HSPG2: variants seen among roughly 807,000 people sequenced by gnomAD.
HSPG2 encodes the protein heparan sulfate proteoglycan 2.
HSPG2 carries 278 observed loss-of-function variants against 526.6 expected under a neutral mutation model. The ratio of observed to expected loss-of-function variants is 0.53; its 90% confidence interval spans 0.48 to 0.58. The LOEUF (loss-of-function observed/expected upper bound fraction) is 0.58, where lower values mean the gene tolerates loss of function less well. Among genes scored for constraint, HSPG2 ranks in the 20% least tolerant of loss-of-function variants. HSPG2 has a pLI of 0.00. For synonymous variants in HSPG2, 2,465 were observed against 2,555.4 expected, an observed-to-expected ratio of 0.96 and a Z score of 1.07; for missense variants, 5,354 against 6,099.5, an observed-to-expected ratio of 0.88 and a Z score of 4.07.
chr1:21,829,356 G>A (rs377766203), intron 87 of HSPG2, 27 bp downstream of exon 87: 17 of 1,603,312 alleles, frequency 1.1e-5, no homozygotes, highest in African/African-American at 4.0e-5. Flanking sequence ...GGTGTGCAGA[G>A]CCCCGCATTT....
In HSPG2 at chr1:21,851,833, T is replaced by C; in HGVS notation, c.6964A>G (p.Thr2322Ala). 1 of 1,613,542 alleles carries C rather than the reference T, an allele frequency of 6.2e-7. No individual in the cohort carries two copies. The highest frequency in any genetic ancestry group is 8.5e-7 in the Non-Finnish European group (1 of 1,179,910). The change falls in exon 54 of 97, where the codon ACG (threonine) becomes GCG (alanine). Residue 2322 changes from threonine (T) to alanine (A), a missense_variant. Thr to Ala is a moderately conservative substitution (Grantham distance 58). Coordinates refer to ENST00000374695, the MANE Select transcript of HSPG2 (RefSeq NM_005529.7). ...CCCTGGGTCCCAGTTACTGTGACCGTGATGGAGGCCTCCATGCCGTTGCTG... is the reference window on the plus strand; with the variant it reads ...CCCTGGGTCCCAGTTACTGTGACCGCGATGGAGGCCTCCATGCCGTTGCTG... ...RASNGMEASI[T>A]VTVTGTQGAN...
chr1:21,835,701 G>C, intron 75 of HSPG2, 64 bp from the exon 76 acceptor site: 1 of 1,301,002 alleles, frequency 7.7e-7, no homozygotes, highest in East Asian at 2.4e-5. Context: ...CTTTGCAATT[G>C]GGCTGGGCGT....
intron 1 of HSPG2, among the ~76,000 whole-genome samples, chr1:21,916,298 G>C (rs1039834991): frequency 9.9e-5 from 15 of 152,052 alleles, no homozygotes; most frequent in African/African-American, 3.1e-4. Flanking sequence ...TCAGGAGATC[G>C]AGACCATCCT....
At chr1:21,851,003 C>T (rs1194294922) in intron 55 of HSPG2, among the ~76,000 whole-genome samples, 4 of 147,594 alleles carry the variant, frequency 2.7e-5, no homozygotes, top group South Asian at 2.1e-4. Context: ...GACTGAGTCT[C>T]GCTCTGTTGC....
At position 21,876,614 on chromosome 1, in the gene HSPG2, G is replaced by A. The variant is rs749963252; in HGVS notation, c.2724C>T (p.Asp908=). 2.7e-5 allele frequency: 44 copies of A among 1,614,102 alleles called. No individual in the cohort carries two copies. Among genetic ancestry groups the A allele is most frequent in the South Asian group, 2.6e-4 (24 of 91,088 alleles). The change falls in exon 22 of 97, where the codon GAC becomes GAT. Residue 908 remains aspartate, a synonymous_variant. Coordinates refer to ENST00000374695, the MANE Select transcript of HSPG2 (RefSeq NM_005529.7). The stretch of plus-strand genomic sequence containing the variant: ...TTCGGGTACTCAGGTGGAAAGAGCC[G>A]TCAGCACATTCATTGCACAAGCGCC... ...VVGRLCNECA[D]GSFHLSTRNP...
intron 52 of HSPG2, among the ~76,000 whole-genome samples, 172 bp from the exon 53 acceptor site, chr1:21,852,405 AGGGCATG>A (rs1357259179): frequency 6.6e-6 from 1 of 152,256 alleles, no homozygotes; most frequent in Non-Finnish European, 1.5e-5. Context: ...TGGGAGGACC[AGGGCATG>A]GGCCACGCCT....
intron 81 of HSPG2, 100 bp from the exon 82 acceptor site, chr1:21,831,896 C>A: frequency 7.8e-7 from 1 of 1,282,420 alleles, no homozygotes; most frequent in South Asian, 1.5e-5. Flanking sequence ...GGAGGGATGT[C>A]ACCACTTCCT....
intron 1 of HSPG2, among the ~76,000 whole-genome samples, chr1:21,899,217 A>G (rs1284702456): frequency 1.3e-5 from 2 of 152,160 alleles, no homozygotes; most frequent in Non-Finnish European, 2.9e-5. Flanking sequence ...CAGAGACTTC[A>G]TTTGTAAAAA....
Position 21,872,153 on chromosome 1 carries a change from C to T in HSPG2, c.4221+33G>A, listed in dbSNP as rs992947830. 19 of 1,550,390 alleles carry T rather than the reference C, an allele frequency of 1.2e-5. No homozygotes were observed. The East Asian group carries it at 4.4e-4, about 36-fold the overall frequency. On this transcript the variant is annotated intron_variant, in intron 33 of 96. Transcript: ENST00000374695. The surrounding 1 kb of genome is among the most constrained non-coding windows in gnomAD (Gnocchi z 5.5). ...CGCAGAGGTGAACTCATGTCTGAGT[C>T]ACGGCTGACCCTGGTGCTTGGCTGG...
At chr1:21,918,779 C>T (rs1643949283) in intron 1 of HSPG2, among the ~76,000 whole-genome samples, 1 of 152,198 alleles carries the variant, frequency 6.6e-6, no homozygotes, top group Admixed American at 6.5e-5. Context: ...AAAGGGTCTA[C>T]AGAATTAGGG....
At chr1:21,926,120 C>G (rs1350940387) in intron 1 of HSPG2, among the ~76,000 whole-genome samples, 2 of 152,070 alleles carry the variant, frequency 1.3e-5, no homozygotes, top group Non-Finnish European at 2.9e-5. Context: ...GAGAATCTGG[C>G]CCCCAACTCC....
intron 28 of HSPG2, 46 bp downstream of exon 28, chr1:21,874,360 G>A (rs760946730): frequency 6.2e-7 from 1 of 1,608,978 alleles, no homozygotes; most frequent in South Asian, 1.1e-5. Flanking sequence ...GGAGCGGGTG[G>A]TAGACATTTC....
At chr1:21,845,611 C>T (rs77776723) in intron 64 of HSPG2, among the ~76,000 whole-genome samples, 20,383 of 152,116 alleles carry the variant, frequency 0.13, 1,653 homozygotes, top group South Asian at 0.28. Context: ...AACTCATGAG[C>T]TCAGGCAATC....
At chr1:21,843,224 G>A in intron 66 of HSPG2, 73 bp downstream of exon 66, 2 of 1,596,412 alleles carry the variant, frequency 1.3e-6, no homozygotes, top group African/African-American at 1.3e-5. Flanking sequence ...GGCTGGGAGA[G>A]AGGAGAGGAG....
intron 1 of HSPG2, among the ~76,000 whole-genome samples, chr1:21,929,986 G>A (rs969340476): frequency 3.9e-5 from 6 of 151,996 alleles, no homozygotes; most frequent in Non-Finnish European, 8.8e-5. Flanking sequence ...ATGGAACACC[G>A]GGCCCCTTCA....
At chr1:21,917,619 C>G (rs1210916580) in intron 1 of HSPG2, among the ~76,000 whole-genome samples, 3 of 152,176 alleles carry the variant, frequency 2.0e-5, no homozygotes, top group Non-Finnish European at 4.4e-5. Flanking sequence ...CCTGAGGCTC[C>G]TAAGAACTGG....
At chr1:21,929,758 T>A (rs994514159) in intron 1 of HSPG2, among the ~76,000 whole-genome samples, 6 of 152,140 alleles carry the variant, frequency 3.9e-5, no homozygotes, top group African/African-American at 7.2e-5. Flanking sequence ...AGCCAAAGAC[T>A]GTGGAGGCAT....
Position 21,842,805 on chromosome 1 carries a change from A to C in HSPG2, c.8875T>G (p.Tyr2959Asp), listed in dbSNP as rs1462626336. Residue 2959 changes from tyrosine (Y) to aspartate (D), a missense_variant, in exon 67 of 97, where the codon TAC becomes GAC. By Grantham distance (160) the Tyr-to-Asp change is radical. Transcript: ENST00000374695. ...PGQAHAQVTWYKRGGSLPARH... is the reference protein window; with the variant it reads ...PGQAHAQVTWDKRGGSLPARH... ...GCGGGGAGGCTGCCCCCGCGCTTGTACCACGTGACCTGGGCATGGGCCTGC... is the reference window on the plus strand; with the variant it reads ...GCGGGGAGGCTGCCCCCGCGCTTGTCCCACGTGACCTGGGCATGGGCCTGC... 6.2e-7 allele frequency: 1 copy of C among 1,613,726 alleles called. No homozygotes were observed. Among genetic ancestry groups the C allele is most frequent in the Middle Eastern group, 1.7e-4 (1 of 5,924 alleles).
At position 21,893,286 on chromosome 1, in the gene HSPG2, C is replaced by T. The variant is rs1490489152; in HGVS notation, c.245-2592G>A. On this transcript the variant is annotated intron_variant, in intron 3 of 96. Coordinates refer to ENST00000374695, the MANE Select transcript of HSPG2 (RefSeq NM_005529.7). This position sits in a 1 kb window ranked among gnomAD's most constrained non-coding sequence, Gnocchi z 4.3. Reference sequence around the variant, plus strand: ...GGGCCTGGTCCCTGCAGGGCTGCTGCACCCATCTCTGCCCGTCAACACCCC... The same window carrying T: ...GGGCCTGGTCCCTGCAGGGCTGCTGTACCCATCTCTGCCCGTCAACACCCC... 6.6e-6 allele frequency among the ~76,000 whole-genome samples: 1 copy of T among 152,184 alleles called. No individual in the cohort carries two copies. Among genetic ancestry groups the T allele is most frequent in the Non-Finnish European group, 1.5e-5 (1 of 68,024 alleles).
Sources: gnomAD v4.1 joint callset for allele counts (sites outside exome capture counted in the v4.1 genomes callset) on GRCh38, gnomAD v4.1.1 for gene constraint, Gnocchi (gnomAD v3.1) non-coding constraint, MANE v1.5 for transcripts, NCBI Gene and HGNC (gene_info 2026-07-23, HGNC 2026-07-21) for gene names.